The following HSPA4L variants were observed in gnomAD, a reference collection of about 807,000 sequenced individuals.
HSPA4L encodes heat shock protein family A (Hsp70) member 4 like.
Under a neutral mutation model 100.3 loss-of-function variants are expected in HSPA4L, and 48 were observed. The observed-to-expected ratio is 0.48, with a 90% CI of 0.38 to 0.61. The LOEUF (loss-of-function observed/expected upper bound fraction) is 0.61, where lower values mean the gene tolerates loss of function less well. Among genes scored for constraint, HSPA4L ranks in the 20% least tolerant of loss-of-function variants. HSPA4L has a pLI of 0.00. For synonymous variants in HSPA4L, 319 were observed against 328.2 expected (o/e 0.97, Z 0.30); for missense variants, 886 against 988.6 (o/e 0.90, Z 1.39).
intron 11 of HSPA4L, among the ~76,000 whole-genome samples, chr4:127,808,566 G>A (rs1043557505): frequency 4.3e-4 from 66 of 152,028 alleles, no homozygotes; most frequent in Non-Finnish European, 3.8e-4. Context: ...TTTAATAAGG[G>A]ACTTGACTAC....
chr4:127,832,885 T>A lies in HSPA4L; in HGVS notation c.*11T>A, dbSNP rs751542982. On this transcript the variant is annotated 3_prime_UTR_variant, in exon 19 of 19. Transcript: ENST00000296464. ...ATGGAAGTGGACTAAGTCTTAATTTTACCTTCACATTAATTCAAACCGTGC... is the reference window on the plus strand; with the variant it reads ...ATGGAAGTGGACTAAGTCTTAATTTAACCTTCACATTAATTCAAACCGTGC... The A allele has an allele frequency of 6.9e-6, 11 of 1,584,202 alleles. No individual in the cohort carries two copies. Among genetic ancestry groups the A allele is most frequent in the Middle Eastern group, 1.7e-4 (1 of 5,952 alleles).
intron 4 of HSPA4L, among the ~76,000 whole-genome samples, chr4:127,800,325 AG>A (rs927763498): frequency 2.6e-5 from 4 of 151,948 alleles, no homozygotes; most frequent in African/African-American, 9.7e-5. Flanking sequence ...TTAACTAGCC[AG>A]GCATGGTGGC....
At position 127,798,673 on chromosome 4, in the gene HSPA4L, T is replaced by G; in HGVS notation, c.393T>G (p.Asn131Lys). 6.2e-7 allele frequency: 1 copy of G among 1,613,760 alleles called. No individual in the cohort carries two copies. Among genetic ancestry groups the G allele is most frequent in the Non-Finnish European group, 8.5e-7 (1 of 1,179,782 alleles). ...LLAKLKETSE[N>K]ALKKPVADCV... is the part of the protein sequence containing the mutation. ...CCAAGCTTAAAGAGACTTCAGAAAA[T>G]GCTTTGAAGAAACCAGTGGCTGACT... The change falls in exon 4 of 19, where the codon AAT (asparagine) becomes AAG (lysine). Residue 131 changes from asparagine to lysine, a missense_variant. Coordinates refer to ENST00000296464, the MANE Select transcript of HSPA4L (RefSeq NM_014278.4).
chr4:127,830,711 G>T lies in HSPA4L; in HGVS notation c.2240G>T (p.Trp747Leu). The change falls in exon 18 of 19, where the codon TGG becomes TTG. Residue 747 changes from tryptophan (W) to leucine (L), a missense_variant. Transcript: ENST00000296464. The stretch of plus-strand genomic sequence containing the variant: ...AAATGTATCAGTGATGCCATGAGTT[G>T]GCTGAATAGTAAGATGAATGCACAG... ...VEKCISDAMSWLNSKMNAQNK... is the reference protein window; with the variant it reads ...VEKCISDAMSLLNSKMNAQNK... 1 of 1,610,286 alleles carries T rather than the reference G, an allele frequency of 6.2e-7. No homozygotes were observed. Among genetic ancestry groups the T allele is most frequent in the East Asian group, 2.2e-5 (1 of 44,480 alleles).
intron 8 of HSPA4L, 40 bp downstream of exon 8, chr4:127,804,127 TG>T (rs1733278955): frequency 1.3e-6 from 2 of 1,492,818 alleles, no homozygotes; most frequent in African/African-American, 2.8e-5. Flanking sequence ...TGTACCATAA[TG>T]TTGCCTACTT....
At chr4:127,813,404 T>C (rs144714539) in intron 12 of HSPA4L, 3 of 479,716 alleles carry the variant, frequency 6.3e-6, no homozygotes, top group East Asian at 6.7e-5. Flanking sequence ...TTTCAATCTT[T>C]CCATGTATCA....
chr4:127,831,477 G>T (rs574324403), intron 18 of HSPA4L, among the ~76,000 whole-genome samples: 1 of 148,266 alleles, frequency 6.7e-6, no homozygotes, highest in Admixed American at 6.8e-5. Context: ...CGCCAGCTGG[G>T]TGACAGAGCA....
chr4:127,807,277 A>T (rs2148788325), intron 10 of HSPA4L, among the ~76,000 whole-genome samples: 1 of 152,110 alleles, frequency 6.6e-6, no homozygotes, highest in South Asian at 2.1e-4. Flanking sequence ...CAATTTAAGG[A>T]ATAGGAATTG....
Position 127,811,666 on chromosome 4 carries a change from G to A in HSPA4L, c.1578+30G>A, listed in dbSNP as rs779913620. The A allele has an allele frequency of 8.9e-6, 13 of 1,456,598 alleles. No individual in the cohort carries two copies. In the East Asian group the frequency reaches 2.3e-4, roughly 26 times the overall value. 90.2% of individuals were successfully genotyped at this position (1,456,598 alleles called of 1,614,324 possible). A position where few individuals can be genotyped will look rare whatever the true frequency, so the allele number is the denominator to read the frequency against. ...GTAGAAATTCTTTCTCAATGTTCTT[G>A]TAATAGATAGTGTATACAGTATATC... On this transcript the variant is annotated intron_variant, in intron 12 of 18. Coordinates refer to ENST00000296464, the MANE Select transcript of HSPA4L (RefSeq NM_014278.4).
chr4:127,802,773 C>G (rs1733227549), intron 6 of HSPA4L, among the ~76,000 whole-genome samples: 1 of 152,092 alleles, frequency 6.6e-6, no homozygotes, highest in South Asian at 2.1e-4. Flanking sequence ...TTGGGTAATA[C>G]TAGACTTCAT....
rs112539214 is a variant in HSPA4L at position 127,809,461 on chromosome 4, G to A, written c.1378+1332G>A. The A allele has an allele frequency of 1.1e-4, 124 of 1,180,336 alleles. 1 individual carries two copies. The African/African-American group carries it at 1.4e-3, about 13-fold the overall frequency. 73.1% of individuals were successfully genotyped at this position (1,180,336 alleles called of 1,614,324 possible). A position where few individuals can be genotyped will look rare whatever the true frequency, so the allele number is the denominator to read the frequency against. On this transcript the variant is annotated intron_variant, in intron 11 of 18. Transcript: ENST00000296464. ...AACCTGATTCTTCCTGTTTTACCTC[G>A]CCTTGACCCAGAATGAAGAAAATAT...
chr4:127,793,141 G>A (rs1055357605), intron 1 of HSPA4L, among the ~76,000 whole-genome samples: 3 of 152,156 alleles, frequency 2.0e-5, no homozygotes, highest in South Asian at 2.1e-4. Flanking sequence ...TAGTTTTTAA[G>A]TGGATCACTT....
intron 12 of HSPA4L, among the ~76,000 whole-genome samples, chr4:127,816,622 A>G (rs939318853): frequency 4.6e-5 from 7 of 152,218 alleles, no homozygotes; most frequent in Admixed American, 3.9e-4. Context: ...AGATACAGTC[A>G]TAAGTCTTGT....
chr4:127,794,152 A>C lies in HSPA4L; in HGVS notation c.165+18A>C, dbSNP rs145440112. 749 of 1,599,606 alleles carry C rather than the reference A, an allele frequency of 4.7e-4. 8 individuals are homozygous for C. In the East Asian group the frequency reaches 0.013, roughly 27 times the overall value. On this transcript the variant is annotated intron_variant, in intron 2 of 18. Coordinates refer to ENST00000296464, the MANE Select transcript of HSPA4L (RefSeq NM_014278.4). Reference sequence around the variant, plus strand: ...AGAGCCAGGTAAATTGTTAATGTGGATGTTTTGACTTACAGGAAGAATTAA... The same window carrying C: ...AGAGCCAGGTAAATTGTTAATGTGGCTGTTTTGACTTACAGGAAGAATTAA...
chr4:127,801,834 G>T lies in HSPA4L; in HGVS notation c.579G>T (p.Glu193Asp), dbSNP rs759538186. 36 of 1,611,006 alleles carry T rather than the reference G, an allele frequency of 2.2e-5. No individual in the cohort carries two copies. Among genetic ancestry groups the T allele is most frequent in the Non-Finnish European group, 3.1e-5 (36 of 1,178,120 alleles). Residue 193 changes from glutamate (E) to aspartate (D), a missense_variant, in exon 6 of 19, where the codon GAG (glutamate) becomes GAT (aspartate). By Grantham distance (45) the Glu-to-Asp change is conservative. Coordinates refer to ENST00000296464, the MANE Select transcript of HSPA4L (RefSeq NM_014278.4). ...AACAGGATCTTCCCCCATTAGATGAGAAACCAAGAAATGTAGTATTTATTG... is the reference window on the plus strand; with the variant it reads ...AACAGGATCTTCCCCCATTAGATGATAAACCAAGAAATGTAGTATTTATTG... ...IYKQDLPPLD[E>D]KPRNVVFIDM...
At chr4:127,811,731 C>A in intron 12 of HSPA4L, 95 bp downstream of exon 12, 2 of 900,200 alleles carry the variant, frequency 2.2e-6, no homozygotes, top group Non-Finnish European at 3.3e-6. Flanking sequence ...ATACATTACT[C>A]TCTGAGGTTT....
Position 127,833,018 on chromosome 4 carries a change from A to T in HSPA4L, c.*144A>T. 4 of 550,914 alleles carry T rather than the reference A, an allele frequency of 7.3e-6. No individual in the cohort carries two copies. The highest frequency in any genetic ancestry group is 9.3e-6 in the Non-Finnish European group (3 of 321,932). The allele number at this position is 550,914 out of a possible 1,614,324, so 34.1% of individuals were successfully genotyped here. ...TTGGAGTAGTTTTGAAAAGTGTTTT[A>T]TATTGAGTGCACTTCTGTTCATTTC... On this transcript the variant is annotated 3_prime_UTR_variant, in exon 19 of 19. Transcript: ENST00000296464.
chr4:127,803,664 C>T lies in HSPA4L; in HGVS notation c.699C>T (p.Gly233=). 6 of 1,613,044 alleles carry T rather than the reference C, an allele frequency of 3.7e-6. No individual in the cohort carries two copies. Among genetic ancestry groups the T allele is most frequent in the Non-Finnish European group, 5.1e-6 (6 of 1,179,626 alleles). Residue 233 remains glycine (G), a synonymous_variant, in exon 7 of 19, where the codon GGC becomes GGT. Transcript: ENST00000296464. Reference sequence around the variant, plus strand: ...CTACCTTTGATCCATATTTGGGTGGCAGGAACTTTGATGAGGCTTTAGTAG... The same window carrying T: ...CTACCTTTGATCCATATTTGGGTGGTAGGAACTTTGATGAGGCTTTAGTAG... ...LATTFDPYLG[G]RNFDEALVDY... is the part of the protein sequence containing the mutation.
chr4:127,817,271 G>T (rs1422258450), intron 12 of HSPA4L, among the ~76,000 whole-genome samples: 1 of 151,960 alleles, frequency 6.6e-6, no homozygotes, highest in Non-Finnish European at 1.5e-5. Flanking sequence ...TCACCGTGTT[G>T]GTCAGGCTGG....
Sources: allele counts gnomAD v4.1 joint callset (sites outside exome capture counted in the v4.1 genomes callset), GRCh38; gene constraint gnomAD v4.1.1; transcripts MANE v1.5; gene names NCBI Gene and HGNC (gene_info 2026-07-23, HGNC 2026-07-21).